Variants in UBA6 observed in about 807,000 individuals in gnomAD.
UBA6 encodes ubiquitin like modifier activating enzyme 6.
In UBA6, 87 loss-of-function variants were observed where a neutral mutation model predicts 148.3. The observed-to-expected ratio is 0.59, with a 90% confidence interval of 0.49 to 0.70. The LOEUF (loss-of-function observed/expected upper bound fraction) is 0.70. Among genes scored for constraint, UBA6 ranks in the 30% least tolerant of loss-of-function variants. UBA6 has a pLI of 0.00. For synonymous variants in UBA6, 376 were observed against 401.0 expected (o/e 0.94, Z 0.75); for missense variants, 1,186 against 1,241.2 (o/e 0.96, Z 0.67).
intron 13 of UBA6, chr4:67,661,919 A>T (rs1729868067): frequency 2.3e-6 from 1 of 426,178 alleles, no homozygotes; most frequent in South Asian, 8.4e-5. Flanking sequence ...AGTAACAGTT[A>T]AAAAAATAGC....
chr4:67,698,204 T>C (rs928317762), intron 1 of UBA6, among the ~76,000 whole-genome samples: 2 of 152,314 alleles, frequency 1.3e-5, no homozygotes. Context: ...ACACACCTCA[T>C]TCCTGATCAC....
At chr4:67,664,497 A>G (rs1317291468) in intron 10 of UBA6, among the ~76,000 whole-genome samples, 2 of 152,068 alleles carry the variant, frequency 1.3e-5, no homozygotes, top group African/African-American at 4.8e-5. Context: ...GGAGTTGTTA[A>G]TAGTTCTGGA....
rs1464404448 is a variant in UBA6 at position 67,623,234 on chromosome 4, A to G, written c.2841-12T>C. On this transcript the variant is annotated splice_polypyrimidine_tract_variant and intron_variant, in intron 30 of 32. Coordinates refer to ENST00000322244, the MANE Select transcript of UBA6 (RefSeq NM_018227.6). ...ATGATATTCCATTTCTGTTACAGAA[A>G]AATATTCAGAACAGAAACATTGAAA... 1 of 1,594,164 alleles carries G rather than the reference A, an allele frequency of 6.3e-7. No individual in the cohort carries two copies. The highest frequency in any genetic ancestry group is 1.7e-5 in the Admixed American group (1 of 59,536).
At chr4:67,646,650 A>G (rs1729427138) in intron 15 of UBA6, 74 bp downstream of exon 15, 1 of 1,111,010 alleles carries the variant, frequency 9.0e-7, no homozygotes, top group South Asian at 1.4e-5. Context: ...GACACATAAA[A>G]CAAAGGTATG....
At chr4:67,687,316 C>T (rs940910084) in intron 2 of UBA6, among the ~76,000 whole-genome samples, 22 of 151,984 alleles carry the variant, frequency 1.4e-4, no homozygotes, top group African/African-American at 4.8e-4. Context: ...TTACAGGCGT[C>T]AGCCACTGCA....
chr4:67,669,881 AAC>A (rs1313737022), intron 8 of UBA6, among the ~76,000 whole-genome samples: 1 of 152,204 alleles, frequency 6.6e-6, no homozygotes, highest in African/African-American at 2.4e-5. Context: ...CACAGGAGAT[AAC>A]ATAGAATAAA....
intron 7 of UBA6, among the ~76,000 whole-genome samples, chr4:67,671,602 A>G (rs1730151121): frequency 6.6e-6 from 1 of 152,164 alleles, no homozygotes; most frequent in African/African-American, 2.4e-5. Flanking sequence ...TTCAGTGGCT[A>G]TTCTGTCTTA....
At chr4:67,657,972 A>G (rs1458466933) in intron 13 of UBA6, among the ~76,000 whole-genome samples, 1 of 152,246 alleles carries the variant, frequency 6.6e-6, no homozygotes, top group East Asian at 1.9e-4. Flanking sequence ...CATCAGAGAC[A>G]TGCAAATCAA....
chr4:67,673,829 T>A lies in UBA6; in HGVS notation c.466-52A>T, dbSNP rs990844627. On this transcript the variant is annotated intron_variant, in intron 6 of 32. Transcript: ENST00000322244. ...CTAGAAAATACATAATTATTTTTTG[T>A]AGTATACAATAATCAGAAGCATGTC... 15 of 1,276,924 alleles carry A rather than the reference T, an allele frequency of 1.2e-5. No homozygotes were observed. In the African/African-American group the frequency reaches 2.1e-4, roughly 18 times the overall value. 79.1% of individuals were successfully genotyped at this position (1,276,924 alleles called of 1,614,324 possible). A position where few individuals can be genotyped will look rare whatever the true frequency, so the allele number is the denominator to read the frequency against.
rs1728689302 is a variant in UBA6 at position 67,618,947 on chromosome 4, C to T, written c.*50G>A. The T allele has an allele frequency of 1.9e-6, 3 of 1,572,806 alleles. No individual in the cohort carries two copies. The highest frequency in any genetic ancestry group is 2.6e-6 in the Non-Finnish European group (3 of 1,156,420). Reference sequence around the variant, plus strand: ...TTTTCTTTAGCTTCTGAATTAAGTGCACTCTTTCCAAAATCAAGTGGTCCT... The same window carrying T: ...TTTTCTTTAGCTTCTGAATTAAGTGTACTCTTTCCAAAATCAAGTGGTCCT... On this transcript the variant is annotated 3_prime_UTR_variant, in exon 33 of 33. Transcript: ENST00000322244.
rs576925807 is a variant in UBA6, at chr4:67,690,548, T to C, written c.134+6097A>G. On this transcript the variant is annotated intron_variant, in intron 2 of 32. Coordinates refer to ENST00000322244, the MANE Select transcript of UBA6 (RefSeq NM_018227.6). ...AAGTATTTATAAACCATGTATGTGA[T>C]AAGGGGTTAATAATATCCAAAGGAA... is the stretch of plus-strand genomic sequence containing the variant. Among the ~76,000 whole-genome samples, 19 of 152,222 alleles carry C rather than the reference T, an allele frequency of 1.2e-4. No individual in the cohort carries two copies. The South Asian group carries it at 3.9e-3, about 32-fold the overall frequency.
intron 16 of UBA6, 116 bp downstream of exon 16, chr4:67,645,822 G>C (rs188099519): frequency 1.3e-5 from 6 of 465,426 alleles, no homozygotes; most frequent in African/African-American, 1.0e-4. Flanking sequence ...CAAGGTCTCA[G>C]TTATTACAAC....
At chr4:67,663,259 G>T (rs369430444) in intron 11 of UBA6, 44 bp from the exon 12 acceptor site, 6 of 1,356,254 alleles carry the variant, frequency 4.4e-6, no homozygotes, top group Non-Finnish European at 6.3e-6. Flanking sequence ...CTGAGTGGTT[G>T]TATGTCCCAG....
chr4:67,679,118 C>T (rs1211542590), intron 4 of UBA6, among the ~76,000 whole-genome samples: 1 of 151,846 alleles, frequency 6.6e-6, no homozygotes, highest in Non-Finnish European at 1.5e-5. Flanking sequence ...GGAGTAATCT[C>T]CAGGATATGC....
At chr4:67,652,027 A>G (rs1401386423) in intron 13 of UBA6, among the ~76,000 whole-genome samples, 2 of 152,200 alleles carry the variant, frequency 1.3e-5, no homozygotes, top group South Asian at 2.1e-4. Flanking sequence ...TTTGCACCAT[A>G]TGCAAAAATG....
intron 8 of UBA6, among the ~76,000 whole-genome samples, chr4:67,669,391 G>A (rs1483647675): frequency 6.6e-6 from 1 of 152,122 alleles, no homozygotes; most frequent in Non-Finnish European, 1.5e-5. Flanking sequence ...GACAGAGACA[G>A]TACTGGGTCT....
chr4:67,652,732 C>A (rs1167037119), intron 13 of UBA6, among the ~76,000 whole-genome samples: 1 of 152,206 alleles, frequency 6.6e-6, no homozygotes, highest in African/African-American at 2.4e-5. Context: ...GTCACCTCAC[C>A]CAGGAAGCAC....
rs1729299120 is a variant in UBA6, at chr4:67,641,239, GA to G, written c.1477-12del. The G allele has an allele frequency of 2.0e-6, 3 of 1,490,736 alleles. No individual in the cohort carries two copies. In the East Asian group the frequency reaches 6.9e-5, roughly 34 times the overall value. The allele number at this position is 1,490,736 out of a possible 1,614,324, so 92.3% of individuals were successfully genotyped here. A position where few individuals can be genotyped will look rare whatever the true frequency, so the allele number is the denominator to read the frequency against. ...ATCTGTAACTGTAATCTAATATCAAGAAAATATGGCTGAAATTACATAATGG... is the reference window on the plus strand; with the variant it reads ...ATCTGTAACTGTAATCTAATATCAAGAAATATGGCTGAAATTACATAATGG... On this transcript the variant is annotated splice_polypyrimidine_tract_variant and intron_variant, in intron 17 of 32. Coordinates refer to ENST00000322244, the MANE Select transcript of UBA6 (RefSeq NM_018227.6).
chr4:67,665,419 T>TTTTTTG, intron 9 of UBA6, 127 bp from the exon 10 acceptor site: 2 of 537,224 alleles, frequency 3.7e-6, no homozygotes, highest in African/African-American at 4.5e-5. Context: ...TAGTGTTTTT[T>TTTTTTG]TTTGTTTGTT....
Sources: gnomAD v4.1 joint callset for allele counts (sites outside exome capture counted in the v4.1 genomes callset) on GRCh38, gnomAD v4.1.1 for gene constraint, MANE v1.5 for transcripts, NCBI Gene and HGNC (gene_info 2026-07-23, HGNC 2026-07-21) for gene names.